Variants in SPTBN5 observed in about 807,000 individuals in gnomAD.
SPTBN5 encodes the protein spectrin beta, non-erythrocytic 5.
A neutral mutation model predicts 477.6 loss-of-function variants in SPTBN5; 513 were observed. The observed-to-expected ratio is 1.07, with a 90% confidence interval of 1.00 to 1.16. The LOEUF (loss-of-function observed/expected upper bound fraction) is 1.16, where lower values mean the gene tolerates loss of function less well. Ranked by LOEUF, SPTBN5 falls within the 50% of genes most tolerant of loss-of-function variation. The probability of loss-of-function intolerance (pLI) is 0.00; values close to 1 mark genes in which losing one functional copy is unlikely to be tolerated. For missense variants in SPTBN5, 5,062 were observed against 4,731.8 expected (o/e 1.07, Z -2.05); for synonymous variants, 2,169 against 2,011.7 (o/e 1.08, Z -2.09).
rs542546104 is a variant in SPTBN5 at position 41,868,158 on chromosome 15, G to A, written c.6118C>T (p.Arg2040Trp). Residue 2040 changes from arginine (R) to tryptophan (W), a missense_variant, in exon 34 of 68, where the codon CGG becomes TGG. Transcript: ENST00000320955. ...QRDQVYQTWA[R>W]KQERLQAEQQ... is the part of the protein sequence containing the mutation. ...TCGGCCTGCAGCCTCTCTTGCTTCC[G>A]TGCCCAGGTCTGATACACCTGGTCC... 2.8e-5 allele frequency: 45 copies of A among 1,589,546 alleles called. 1 individual carries two copies. The Admixed American group carries it at 5.3e-4, about 19-fold the overall frequency.
chr15:41,853,694 C>A lies in SPTBN5; in HGVS notation c.9868G>T (p.Ala3290Ser). 5 of 1,600,144 alleles carry A rather than the reference C, an allele frequency of 3.1e-6. No homozygotes were observed. Among genetic ancestry groups the A allele is most frequent in the Non-Finnish European group, 4.3e-6 (5 of 1,175,104 alleles). ...QLHPAAPGGL[A>S]KVQEAWATLQ... ...GTGGCCCAGGCCTCCTGCACCTTGG[C>A]CAGGCCCCCCGGAGCTGCAGGATGT... The change falls in exon 58 of 68, where the codon GCC becomes TCC. Residue 3290 changes from alanine (A) to serine (S), a missense_variant. Physicochemically the swap from Ala to Ser is moderately conservative, Grantham distance 99. Coordinates refer to ENST00000320955, the MANE Select transcript of SPTBN5 (RefSeq NM_016642.4).
chr15:41,886,023 C>G lies in SPTBN5; in HGVS notation c.1232G>C (p.Ser411Thr), dbSNP rs759293335. 6.4e-6 allele frequency: 10 copies of G among 1,557,996 alleles called. No homozygotes were observed. In the African/African-American group the frequency reaches 1.4e-4, roughly 21 times the overall value. Residue 411 changes from serine to threonine, a missense_variant, in exon 7 of 68, where the codon AGC becomes ACC. Physicochemically the swap from Ser to Thr is moderately conservative, Grantham distance 58 (BLOSUM62 1). Coordinates refer to ENST00000320955, the MANE Select transcript of SPTBN5 (RefSeq NM_016642.4). ...CAGTAGCCTCTGCTGCAGGGCCTGG[C>G]TCCTTGCAGCCTCTGCCCACTCCAG... ...AGLEWAEAAR[S>T]QALQQRLLQL... is the part of the protein sequence containing the mutation.
At chr15:41,861,385 T>A (rs765807045) in intron 46 of SPTBN5, 34 bp downstream of exon 46, 33 of 1,577,936 alleles carry the variant, frequency 2.1e-5, no homozygotes, top group Non-Finnish European at 2.9e-5. Context: ...CTCTGGTAAT[T>A]CCCCCCTCCT....
intron 2 of SPTBN5, 84 bp downstream of exon 2, chr15:41,893,198 C>A: frequency 6.3e-7 from 1 of 1,591,510 alleles, no homozygotes; most frequent in Admixed American, 1.7e-5. Context: ...AGGCAGATGA[C>A]CCCACAGCTC....
chr15:41,867,987 G>T, intron 34 of SPTBN5, 82 bp downstream of exon 34: 1 of 1,466,800 alleles, frequency 6.8e-7, no homozygotes. Context: ...CAGAGAGGCA[G>T]GAGGAAAGGG....
intron 67 of SPTBN5, among the ~76,000 whole-genome samples, chr15:41,849,667 A>G (rs2065683020): frequency 6.6e-6 from 1 of 152,172 alleles, no homozygotes. Flanking sequence ...GGACCACTGT[A>G]GAGTCTGTGG....
chr15:41,885,267 G>A lies in SPTBN5; in HGVS notation c.1520+468C>T, dbSNP rs185504330. On this transcript the variant is annotated intron_variant, in intron 7 of 67. Transcript: ENST00000320955. ...TTGAGCTCCTGACCTCAGGTCATCC[G>A]CCTGCTACGGCCTCCCAACGTGCTG... Among the ~76,000 whole-genome samples the A allele has an allele frequency of 2.5e-3, 386 of 152,248 alleles. 3 individuals are homozygous for A. The highest frequency in any genetic ancestry group is 8.9e-3 in the African/African-American group (368 of 41,532).
Position 41,861,792 on chromosome 15 carries a change from G to T in SPTBN5, c.7680C>A (p.Ser2560Arg). The T allele has an allele frequency of 6.4e-7, 1 of 1,564,490 alleles. No individual in the cohort carries two copies. The stretch of plus-strand genomic sequence containing the variant: ...GATGCTCCTGCCAGGCCCCTTCCAG[G>T]CTGCTCAGCTCCTGTTCTAAGCCAG... The part of the protein sequence containing the change: ...VLAGLEQELS[S>R]LEGAWQEHQL... Residue 2560 changes from serine to arginine, a missense_variant, in exon 45 of 68, where the codon AGC becomes AGA. Transcript: ENST00000320955.
chr15:41,872,195 C>G (rs1376856390), intron 27 of SPTBN5, 107 bp downstream of exon 27: 30 of 1,383,918 alleles, frequency 2.2e-5, no homozygotes, highest in Non-Finnish European at 2.8e-5. Context: ...TGCATCTCTA[C>G]AGCCTGGGGT....
At chr15:41,852,780 GC>G (rs111432071) in intron 60 of SPTBN5, 43 bp downstream of exon 60, 32,669 of 1,363,586 alleles carry the variant, frequency 0.024, 116 homozygotes, top group Middle Eastern at 0.048. Context: ...GGGGGGGGGG[GC>G]CCAGAGCCTG....
chr15:41,873,993 C>G lies in SPTBN5; in HGVS notation c.4742G>C (p.Ser1581Thr). The G allele has an allele frequency of 1.9e-6, 3 of 1,604,642 alleles. No homozygotes were observed. The highest frequency in any genetic ancestry group is 2.5e-6 in the Non-Finnish European group (3 of 1,179,716). ...AHQGQVQRVLSSGRSLAASGH... is the reference protein window; with the variant it reads ...AHQGQVQRVLTSGRSLAASGH... ...TGAGGCTGCCAGGCTCCGCCCAGAA[C>G]TCAGCACCCGTTGCACCTGCCCCTG... Residue 1581 changes from serine to threonine, a missense_variant, in exon 25 of 68, where the codon AGT becomes ACT. Coordinates refer to ENST00000320955, the MANE Select transcript of SPTBN5 (RefSeq NM_016642.4).
chr15:41,883,432 C>T lies in SPTBN5; in HGVS notation c.1575G>A (p.Gln525=), dbSNP rs1211706056. ...CCTGCATGTCTGCCACCTGCTTCCT[C>T]TGTCCCTGTAGATGCTGAAGGAGCC... ...WQRLLQHLQG[Q]RKQVADMQAV... Residue 525 remains glutamine, a synonymous_variant, in exon 8 of 68, where the codon CAG becomes CAA. Transcript: ENST00000320955. The T allele has an allele frequency of 6.2e-7, 1 of 1,614,002 alleles. No homozygotes were observed. Among genetic ancestry groups the T allele is most frequent in the Middle Eastern group, 1.6e-4 (1 of 6,062 alleles).
chr15:41,874,583 A>T, intron 23 of SPTBN5, 105 bp from the exon 24 acceptor site: 1 of 1,038,224 alleles, frequency 9.6e-7, no homozygotes, highest in Non-Finnish European at 1.4e-6. Context: ...AAGACCAGGG[A>T]ATAGAGCAAA....
In SPTBN5 at chr15:41,857,724, A is replaced by G; in HGVS notation, c.8227-14T>C. The G allele has an allele frequency of 6.4e-7, 1 of 1,560,278 alleles. No homozygotes were observed. The highest frequency in any genetic ancestry group is 8.6e-7 in the Non-Finnish European group (1 of 1,156,120). On this transcript the variant is annotated splice_polypyrimidine_tract_variant and intron_variant, in intron 49 of 67. Coordinates refer to ENST00000320955, the MANE Select transcript of SPTBN5 (RefSeq NM_016642.4). ...CCTCTGTCCCTCCTGCAGCCACAAC[A>G]TGAAACACACCTTGTGGACTCAGGA... is the stretch of plus-strand genomic sequence containing the variant.
In SPTBN5 at chr15:41,865,844, T is replaced by A; in HGVS notation, c.6882A>T (p.Arg2294=). 3.2e-6 allele frequency: 5 copies of A among 1,579,360 alleles called. No homozygotes were observed. The highest frequency in any genetic ancestry group is 4.3e-6 in the Non-Finnish European group (5 of 1,163,240). Residue 2294 remains arginine (R), a synonymous_variant, in exon 39 of 68, where the codon CGA becomes CGT. Transcript: ENST00000320955. Reference sequence around the variant, plus strand: ...TTCCTCGGAACTCGCGGAGCCGCCGTCGGAGCTGCAGGCAGTGCTCCAGGT... The same window carrying A: ...TTCCTCGGAACTCGCGGAGCCGCCGACGGAGCTGCAGGCAGTGCTCCAGGT... ...GQDLEHCLQL[R]RRLREFRGNS... is the part of the protein sequence containing the mutation.
At position 41,882,436 on chromosome 15, in the gene SPTBN5, C is replaced by A; in HGVS notation, c.2080G>T (p.Val694Leu). 3 of 1,550,270 alleles carry A rather than the reference C, an allele frequency of 1.9e-6. No individual in the cohort carries two copies. The highest frequency in any genetic ancestry group is 1.2e-5 in the South Asian group (1 of 84,838). Reference protein sequence around the residue: ...LEAEVHRHQAVCVDLVRRGRD... With the variant: ...LEAEVHRHQALCVDLVRRGRD... ...CCCCTCCGCACGAGATCTACGCACACGGCCTGGTGGCGGTGGACCTCAGCT... is the reference window on the plus strand; with the variant it reads ...CCCCTCCGCACGAGATCTACGCACAAGGCCTGGTGGCGGTGGACCTCAGCT... Residue 694 changes from valine (V) to leucine (L), a missense_variant, in exon 11 of 68, where the codon GTG (valine) becomes TTG (leucine). Transcript: ENST00000320955.
At chr15:41,884,010 G>A (rs769297707) in intron 7 of SPTBN5, among the ~76,000 whole-genome samples, 2 of 151,700 alleles carry the variant, frequency 1.3e-5, no homozygotes, top group Non-Finnish European at 2.9e-5. Context: ...TTTTGAGACA[G>A]AGTCTCACTC....
chr15:41,884,416 G>A (rs1595508435), intron 7 of SPTBN5, among the ~76,000 whole-genome samples: 1 of 152,152 alleles, frequency 6.6e-6, no homozygotes, highest in African/African-American at 2.4e-5. Flanking sequence ...CACCAGGCCC[G>A]GCCTAACATC....
In SPTBN5 at chr15:41,851,269, AC is replaced by A. The variant is rs1255999706; in HGVS notation, c.10743+13del. On this transcript the variant is annotated intron_variant, in intron 64 of 67. Transcript: ENST00000320955. ...GCACCCTGATGTCTGCATCTCCCCT[AC>A]CCCGCCTGGTACCTCCGCTGCCATC... The A allele has an allele frequency of 6.4e-7, 1 of 1,550,728 alleles. No homozygotes were observed. Among genetic ancestry groups the A allele is most frequent in the Admixed American group, 2.0e-5 (1 of 50,996 alleles).
Sources: gnomAD v4.1 joint callset for allele counts (sites outside exome capture counted in the v4.1 genomes callset) on GRCh38, gnomAD v4.1.1 for gene constraint, MANE v1.5 for transcripts, NCBI Gene and HGNC (gene_info 2026-07-23, HGNC 2026-07-21) for gene names.